ECT2L: variants seen among roughly 807,000 people sequenced by gnomAD.
The protein encoded by ECT2L is epithelial cell-transforming sequence 2 oncogene-like.
In ECT2L, 126 loss-of-function variants were observed where a neutral mutation model predicts 122.8. The ratio of observed to expected loss-of-function variants is 1.03; its 90% CI spans 0.89 to 1.19. The LOEUF (loss-of-function observed/expected upper bound fraction) is 1.19. Ranked by LOEUF, ECT2L falls within the 50% of genes most tolerant of loss-of-function variation. The pLI, the probability that ECT2L is intolerant of heterozygous loss-of-function variation, is 0.00. For missense variants in ECT2L, 1,012 were observed against 1,064.1 expected (o/e 0.95, Z 0.68); for synonymous variants, 385 against 381.8 (o/e 1.01, Z -0.10).
In ECT2L at chr6:138,881,186, T is replaced by C. The variant is rs548415098; in HGVS notation, c.1880+15T>C. The C allele has an allele frequency of 8.1e-6, 13 of 1,608,304 alleles. No individual in the cohort carries two copies. The highest frequency in any genetic ancestry group is 2.2e-5 in the South Asian group (2 of 90,472). On this transcript the variant is annotated intron_variant, in intron 15 of 21. Coordinates refer to ENST00000541398, the MANE Select transcript of ECT2L (RefSeq NM_001077706.3). Reference sequence around the variant, plus strand: ...AGTCTCAACAGGTAAACCCTGAATATGTATTTTTTTTAATATTCATTGTGC... The same window carrying C: ...AGTCTCAACAGGTAAACCCTGAATACGTATTTTTTTTAATATTCATTGTGC...
At chr6:138,878,541 G>A (rs911144549) in intron 14 of ECT2L, among the ~76,000 whole-genome samples, 1 of 152,170 alleles carries the variant, frequency 6.6e-6, no homozygotes, top group African/African-American at 2.4e-5. Context: ...CTGCCTCCCA[G>A]GTTCCAGTGA....
chr6:138,825,885 G>A (rs1776430940), intron 4 of ECT2L, among the ~76,000 whole-genome samples: 1 of 152,186 alleles, frequency 6.6e-6, no homozygotes, highest in East Asian at 1.9e-4. Flanking sequence ...TGGCATTCAT[G>A]AGGAAAACCC....
Position 138,902,642 on chromosome 6 carries a change from A to G in ECT2L, c.*15A>G. 6 of 1,612,728 alleles carry G rather than the reference A, an allele frequency of 3.7e-6. No individual in the cohort carries two copies. Among genetic ancestry groups the G allele is most frequent in the Non-Finnish European group, 5.1e-6 (6 of 1,179,494 alleles). On this transcript the variant is annotated 3_prime_UTR_variant, in exon 22 of 22. Transcript: ENST00000541398. ...TGGAGAAGTGAGACCGAACTTGAAA[A>G]CTTCAGGGGTGCCAATTCTCCCCAG...
chr6:138,845,381 T>C (rs1777184468), intron 7 of ECT2L, among the ~76,000 whole-genome samples: 1 of 152,120 alleles, frequency 6.6e-6, no homozygotes, highest in South Asian at 2.1e-4. Flanking sequence ...CAGGTGGGAC[T>C]ATAGGTGCGC....
At chr6:138,807,700 T>A (rs78739005) in intron 1 of ECT2L, among the ~76,000 whole-genome samples, 2,056 of 152,278 alleles carry the variant, frequency 0.014, 41 homozygotes, top group African/African-American at 0.048. Context: ...AATCATTTAT[T>A]ATTTCTCATG....
chr6:138,807,442 A>G (rs1182815977), intron 1 of ECT2L, among the ~76,000 whole-genome samples: 2 of 152,158 alleles, frequency 1.3e-5, no homozygotes, highest in Non-Finnish European at 2.9e-5. Flanking sequence ...TATCCTCCAC[A>G]TTAGTGCAGG....
At chr6:138,804,107 G>C (rs1385229305) in intron 1 of ECT2L, among the ~76,000 whole-genome samples, 3 of 152,206 alleles carry the variant, frequency 2.0e-5, no homozygotes, top group Non-Finnish European at 4.4e-5. Flanking sequence ...GAGACAGCGA[G>C]AGCTGTGGAG....
chr6:138,887,619 G>A (rs114336207), intron 19 of ECT2L, among the ~76,000 whole-genome samples: 242 of 152,264 alleles, frequency 1.6e-3, no homozygotes, highest in African/African-American at 5.4e-3. Context: ...GCCTGTGTTA[G>A]CGACGTGTTA....
At chr6:138,799,959 C>G (rs1448118173) in intron 1 of ECT2L, among the ~76,000 whole-genome samples, 1 of 152,188 alleles carries the variant, frequency 6.6e-6, no homozygotes, top group Non-Finnish European at 1.5e-5. Flanking sequence ...AGTGCCGTGT[C>G]AGTCAGTGTA....
chr6:138,858,653 G>A (rs1057272317), intron 10 of ECT2L, among the ~76,000 whole-genome samples: 1 of 147,180 alleles, frequency 6.8e-6, no homozygotes, highest in African/African-American at 2.5e-5. Context: ...GGCAGCCACT[G>A]GTCTTTCTTT....
intron 1 of ECT2L, among the ~76,000 whole-genome samples, chr6:138,798,050 G>T (rs1184302324): frequency 1.3e-5 from 2 of 152,170 alleles, no homozygotes; most frequent in Non-Finnish European, 2.9e-5. Context: ...TATTACAAAG[G>T]ACAGATGAAT....
At chr6:138,868,679 C>T (rs551885768) in intron 13 of ECT2L, among the ~76,000 whole-genome samples, 4 of 152,126 alleles carry the variant, frequency 2.6e-5, no homozygotes, top group East Asian at 3.9e-4. Context: ...ATCAGTAATT[C>T]GGCTGGGGAT....
At chr6:138,883,581 G>A (rs2128408226) in intron 16 of ECT2L, among the ~76,000 whole-genome samples, 1 of 152,300 alleles carries the variant, frequency 6.6e-6, no homozygotes, top group East Asian at 1.9e-4. Context: ...CTGTGGGCTG[G>A]GAGGCCTCTG....
At chr6:138,835,754 A>C (rs1179387290) in intron 4 of ECT2L, among the ~76,000 whole-genome samples, 1 of 152,124 alleles carries the variant, frequency 6.6e-6, no homozygotes, top group Non-Finnish European at 1.5e-5. Flanking sequence ...CACTGATACA[A>C]TACTACATCC....
chr6:138,831,843 C>T (rs1416304886), intron 4 of ECT2L, among the ~76,000 whole-genome samples: 1 of 152,142 alleles, frequency 6.6e-6, no homozygotes, highest in Non-Finnish European at 1.5e-5. Context: ...TTTAATTAAA[C>T]AATTTTAGAT....
chr6:138,869,631 A>C (rs1778176307), intron 13 of ECT2L, among the ~76,000 whole-genome samples: 1 of 152,190 alleles, frequency 6.6e-6, no homozygotes. Flanking sequence ...CAAAACACTG[A>C]AGGATTACTC....
intron 3 of ECT2L, 76 bp from the exon 4 acceptor site, chr6:138,814,415 A>T (rs965072013): frequency 1.0e-4 from 88 of 866,488 alleles, no homozygotes; most frequent in Non-Finnish European, 1.3e-4. Context: ...TTGCTGGTAG[A>T]TTGTCTAAAG....
chr6:138,859,544 T>C (rs1334452243), intron 10 of ECT2L, among the ~76,000 whole-genome samples: 1 of 152,194 alleles, frequency 6.6e-6, no homozygotes, highest in Admixed American at 6.5e-5. Context: ...TACCACTTGG[T>C]ACGGCCAGTC....
intron 13 of ECT2L, among the ~76,000 whole-genome samples, chr6:138,870,583 T>C (rs976068614): frequency 1.3e-5 from 1 of 78,216 alleles, no homozygotes; most frequent in Non-Finnish European, 2.4e-5. Flanking sequence ...AGGTAGAAAT[T>C]TGCATTTTGC....
Sources: allele counts gnomAD v4.1 joint callset (sites outside exome capture counted in the v4.1 genomes callset), GRCh38; gene constraint gnomAD v4.1.1; transcripts MANE v1.5; gene names NCBI Gene and HGNC (gene_info 2026-07-23, HGNC 2026-07-21).